LYRM4: variants seen among roughly 807,000 people sequenced by gnomAD.
LYRM4 encodes LYR motif-containing protein 4.
LYRM4 carries 9 observed loss-of-function variants against 11.7 expected under a neutral mutation model. The ratio of observed to expected loss-of-function variants is 0.77; its 90% confidence interval spans 0.46 to 1.34. LYRM4 has a LOEUF of 1.34. Ranked by LOEUF, LYRM4 falls within the 40% of genes most tolerant of loss-of-function variation. The probability of loss-of-function intolerance (pLI) is 0.00; values close to 1 mark genes in which losing one functional copy is unlikely to be tolerated. For missense variants in LYRM4, 133 were observed against 112.5 expected, an observed-to-expected ratio of 1.18 and a Z score of -0.82; for synonymous variants, 42 against 40.4, an observed-to-expected ratio of 1.04 and a Z score of -0.15.
At chr6:5,118,094 A>ATATATTTTTTTTT in intron 2 of LYRM4, among the ~76,000 whole-genome samples, 27 of 86,104 alleles carry the variant, frequency 3.1e-4, no homozygotes, top group African/African-American at 1.1e-3. Flanking sequence ...ATATATATAT[A>ATATATTTTTTTTT]TTTTTGTTTT....
chr6:5,039,672 G>A, the LYRM4 span, among the ~76,000 whole-genome samples: 1 of 152,052 alleles, frequency 6.6e-6, no homozygotes, highest in Non-Finnish European at 1.5e-5. Context: ...ACAGAGAAAG[G>A]GAGCATTCTG....
chr6:5,033,482 G>A, the LYRM4 span: 1,821 of 152,024 alleles, frequency 0.012, 33 homozygotes, highest in African/African-American at 0.042. Context: ...ACCACTCACC[G>A]CCGCCCCATT....
chr6:5,130,355 C>T (rs532513906), intron 2 of LYRM4, among the ~76,000 whole-genome samples: 13 of 152,314 alleles, frequency 8.5e-5, no homozygotes, highest in African/African-American at 2.9e-4. Flanking sequence ...CAAGCAGGGG[C>T]TAGAGAGCAA....
At chr6:5,253,671 T>C (rs371118134) in intron 1 of LYRM4, among the ~76,000 whole-genome samples, 128 of 152,178 alleles carry the variant, frequency 8.4e-4, no homozygotes, top group Non-Finnish European at 1.1e-3. Context: ...TCGCCGGCCA[T>C]TGGAAGTTGT....
At chr6:5,139,140 A>C (rs1281678839) in intron 2 of LYRM4, among the ~76,000 whole-genome samples, 2 of 152,232 alleles carry the variant, frequency 1.3e-5, no homozygotes, top group African/African-American at 4.8e-5. Flanking sequence ...AGGGAGAAGA[A>C]GACAGGCCTG....
At chr6:5,253,136 C>T (rs762421602) in intron 1 of LYRM4, among the ~76,000 whole-genome samples, 38 of 152,188 alleles carry the variant, frequency 2.5e-4, no homozygotes, top group Middle Eastern at 3.2e-3. Flanking sequence ...GTGTATAACA[C>T]ATTAATAAAA....
In LYRM4 at chr6:5,118,115, G is replaced by GTTT. The variant is rs368008500; in HGVS notation, c.208-8627_208-8625dup. On this transcript the variant is annotated intron_variant, in intron 2 of 2. Transcript: ENST00000330636. ...ATATATTTTTGTTTTGTTTTGTTTTGTTTTTTTTTTTGAGACAGAGTCTCA... is the reference window on the plus strand; with the variant it reads ...ATATATTTTTGTTTTGTTTTGTTTTGTTTTTTTTTTTTTTGAGACAGAGTCTCA... 4.2e-3 allele frequency among the ~76,000 whole-genome samples: 551 copies of GTTT among 130,526 alleles called. 3 individuals are homozygous for GTTT. The highest frequency in any genetic ancestry group is 0.015 in the African/African-American group (524 of 34,676). 85.6% of individuals were successfully genotyped at this position (130,526 alleles called of 152,430 possible). A position where few individuals can be genotyped will look rare whatever the true frequency, so the allele number is the denominator to read the frequency against.
intron 1 of LYRM4, among the ~76,000 whole-genome samples, chr6:5,246,932 T>C (rs896406364): frequency 6.6e-6 from 1 of 151,890 alleles, no homozygotes; most frequent in South Asian, 2.1e-4. Context: ...AAGAGGGAAA[T>C]GGGTGAAGGA....
chr6:5,060,393 A>C, the LYRM4 span, among the ~76,000 whole-genome samples: 1 of 152,034 alleles, frequency 6.6e-6, no homozygotes, highest in Non-Finnish European at 1.5e-5. Flanking sequence ...TTGCAGGTAC[A>C]TTCATGTAGG....
At chr6:5,064,835 C>T in the LYRM4 span, among the ~76,000 whole-genome samples, 4 of 152,018 alleles carry the variant, frequency 2.6e-5, no homozygotes, top group Admixed American at 6.6e-5. Flanking sequence ...AAACATTCAT[C>T]GTTTCTTTGT....
the LYRM4 span, among the ~76,000 whole-genome samples, chr6:5,040,431 G>C: frequency 6.6e-6 from 1 of 151,496 alleles, no homozygotes; most frequent in African/African-American, 2.4e-5. Context: ...GCTGGGCATG[G>C]TGGCTCATGC....
chr6:5,151,440 T>G (rs7745836), intron 2 of LYRM4, among the ~76,000 whole-genome samples: 1 of 151,952 alleles, frequency 6.6e-6, no homozygotes, highest in Non-Finnish European at 1.5e-5. Context: ...TCCCTTTCAC[T>G]GGGTTTGCCC....
chr6:5,152,396 T>C (rs754581470), intron 2 of LYRM4, among the ~76,000 whole-genome samples: 1 of 152,206 alleles, frequency 6.6e-6, no homozygotes, highest in Non-Finnish European at 1.5e-5. Flanking sequence ...ACACATGTAC[T>C]ACCTCCAGTG....
intron 1 of LYRM4, among the ~76,000 whole-genome samples, chr6:5,259,943 T>G (rs560007687): frequency 6.6e-6 from 1 of 152,058 alleles, no homozygotes; most frequent in African/African-American, 2.4e-5. Context: ...AAAAGACTCA[T>G]AGGCAAATAG....
intron 2 of LYRM4, among the ~76,000 whole-genome samples, chr6:5,143,854 A>G (rs1013600045): frequency 6.6e-6 from 1 of 152,242 alleles, no homozygotes; most frequent in African/African-American, 2.4e-5. Flanking sequence ...CGGGTTCTCA[A>G]GTGCTGGAAG....
the LYRM4 span, among the ~76,000 whole-genome samples, chr6:5,079,467 T>A: frequency 2.0e-5 from 3 of 152,344 alleles, no homozygotes; most frequent in East Asian, 5.8e-4. Context: ...CTCAATTGCT[T>A]CCAGCTCAAA....
At chr6:5,192,722 G>T (rs559629753) in intron 2 of LYRM4, among the ~76,000 whole-genome samples, 1 of 152,202 alleles carries the variant, frequency 6.6e-6, no homozygotes, top group Non-Finnish European at 1.5e-5. Flanking sequence ...TGTGTATTCC[G>T]TTGTATCCAA....
intron 2 of LYRM4, among the ~76,000 whole-genome samples, chr6:5,210,233 T>C (rs1045275325): frequency 6.6e-6 from 1 of 152,184 alleles, no homozygotes; most frequent in African/African-American, 2.4e-5. Flanking sequence ...CATGTATCAG[T>C]AGTTTCTGTA....
chr6:5,122,516 T>A (rs1387670055), intron 2 of LYRM4, among the ~76,000 whole-genome samples: 6 of 152,172 alleles, frequency 3.9e-5, no homozygotes. Context: ...CCTCTTTAAA[T>A]AAGTGGTCCA....
Sources: allele counts gnomAD v4.1 joint callset (sites outside exome capture counted in the v4.1 genomes callset), GRCh38; gene constraint gnomAD v4.1.1; transcripts MANE v1.5; gene names NCBI Gene and HGNC (gene_info 2026-07-23, HGNC 2026-07-21).